Variants in RHPN2 observed in about 807,000 individuals in gnomAD.
RHPN2 encodes the protein rhophilin Rho GTPase binding protein 2, also known as rhophilin-2.
In RHPN2, 40 loss-of-function variants were observed where a neutral mutation model predicts 79.0. The observed-to-expected ratio is 0.51, with a 90% CI of 0.39 to 0.66. The LOEUF is 0.66. RHPN2 is among the 30% of genes least tolerant of loss of function. The pLI is 0.00. For missense variants in RHPN2, 686 were observed against 883.5 expected, an observed-to-expected ratio of 0.78 and a Z score of 2.83; for synonymous variants, 285 against 363.5, an observed-to-expected ratio of 0.78 and a Z score of 2.46.
chr19:32,992,750 G>T (rs1218326289), intron 12 of RHPN2, among the ~76,000 whole-genome samples: 2 of 150,308 alleles, frequency 1.3e-5, no homozygotes, highest in East Asian at 2.0e-4. Context: ...GTTCGAGGCT[G>T]CAGTGAACTA....
At chr19:33,026,759 C>G in intron 2 of RHPN2, 127 bp from the exon 3 acceptor site, 5 of 1,119,078 alleles carry the variant, frequency 4.5e-6, no homozygotes, top group South Asian at 2.5e-5. Flanking sequence ...CCAGGAGTGT[C>G]GGTTAAGGTA....
chr19:33,007,804 C>T (rs549680154), intron 7 of RHPN2, among the ~76,000 whole-genome samples: 100 of 149,812 alleles, frequency 6.7e-4, no homozygotes, highest in Admixed American at 2.8e-3. Flanking sequence ...ACCTTGTGAT[C>T]CACCCGCTTT....
Position 33,012,604 on chromosome 19 carries a change from C to T in RHPN2, c.468+43G>A, listed in dbSNP as rs759685781. 1.5e-5 allele frequency: 19 copies of T among 1,287,090 alleles called. No individual in the cohort carries two copies. In the East Asian group the frequency reaches 2.8e-4, roughly 19 times the overall value. 79.7% of individuals were successfully genotyped at this position (1,287,090 alleles called of 1,614,324 possible). A position where few individuals can be genotyped will look rare whatever the true frequency, so the allele number is the denominator to read the frequency against. The stretch of plus-strand genomic sequence containing the variant: ...GCAATAATGGGGTTCCCTGAAGACT[C>T]GGAAAAGCCACCCTCCCCTCTCTGC... On this transcript the variant is annotated intron_variant, in intron 5 of 14. Coordinates refer to ENST00000254260, the MANE Select transcript of RHPN2 (RefSeq NM_033103.5).
chr19:33,016,825 G>A (rs1971882028), intron 4 of RHPN2, among the ~76,000 whole-genome samples: 1 of 152,186 alleles, frequency 6.6e-6, no homozygotes, highest in Non-Finnish European at 1.5e-5. Context: ...CAGTACCTGT[G>A]TTTCTATCAA....
At chr19:33,064,640 G>T in intron 1 of RHPN2, 144 bp downstream of exon 1, 1 of 651,086 alleles carries the variant, frequency 1.5e-6, no homozygotes, top group Non-Finnish European at 2.3e-6. Flanking sequence ...GCCAGCCTCC[G>T]TCCGGCCAGC....
intron 14 of RHPN2, among the ~76,000 whole-genome samples, chr19:32,981,256 G>C (rs1449545828): frequency 6.6e-6 from 1 of 151,836 alleles, no homozygotes; most frequent in African/African-American, 2.4e-5. Context: ...GAAAGTACAG[G>C]GTGGGGCGCG....
intron 11 of RHPN2, 130 bp downstream of exon 11, chr19:32,995,896 C>T (rs1227137884): frequency 1.7e-5 from 15 of 880,976 alleles, no homozygotes; most frequent in South Asian, 2.8e-5. Flanking sequence ...AGCAGCACCT[C>T]AGTCCCTACC....
rs772584362 is a variant in RHPN2 at position 32,999,573 on chromosome 19, G to A, written c.1225+13C>T. ...CAAGTGGGGCCCACATCTGGGTGCA[G>A]GGGGACACGCACCCAGCTGTCGGCG... is the stretch of plus-strand genomic sequence containing the variant. On this transcript the variant is annotated intron_variant, in intron 10 of 14. Coordinates refer to ENST00000254260, the MANE Select transcript of RHPN2 (RefSeq NM_033103.5). 3 of 1,608,224 alleles carry A rather than the reference G, an allele frequency of 1.9e-6. No homozygotes were observed. The highest frequency in any genetic ancestry group is 1.7e-5 in the Admixed American group (1 of 59,832).
intron 4 of RHPN2, among the ~76,000 whole-genome samples, chr19:33,013,542 G>GT (rs1293891992): frequency 4.5e-4 from 69 of 151,772 alleles, no homozygotes; most frequent in Non-Finnish European, 2.8e-4. Context: ...GAGAGTTGAA[G>GT]TAAATTTTTT....
chr19:33,036,697 C>T (rs1972058937), intron 2 of RHPN2, among the ~76,000 whole-genome samples: 1 of 152,202 alleles, frequency 6.6e-6, no homozygotes, highest in Non-Finnish European at 1.5e-5. Flanking sequence ...GCGCGAGTTC[C>T]AGGTGGGCGT....
In RHPN2 at chr19:33,026,611, C is replaced by T. The variant is rs1971969969; in HGVS notation, c.207G>A (p.Val69=). 2 of 1,608,144 alleles carry T rather than the reference C, an allele frequency of 1.2e-6. No homozygotes were observed. Among genetic ancestry groups the T allele is most frequent in the Non-Finnish European group, 1.7e-6 (2 of 1,179,460 alleles). The change falls in exon 3 of 15, where the codon GTG becomes GTA. Residue 69 remains valine (V), a synonymous_variant. Coordinates refer to ENST00000254260, the MANE Select transcript of RHPN2 (RefSeq NM_033103.5). ...TCAGCTCCAGCCGCACTTGCTCCCG[C>T]ACCTTTGAGTTTGTGGCCACTCTGT... The part of the protein sequence containing the change: ...NLLKVATNSK[V]REQVRLELSF...
intron 2 of RHPN2, among the ~76,000 whole-genome samples, chr19:33,041,666 GCT>G (rs1363063083): frequency 6.6e-6 from 1 of 152,156 alleles, no homozygotes; most frequent in Non-Finnish European, 1.5e-5. Flanking sequence ...CAAGTTCCCT[GCT>G]CACAGGGGCC....
At chr19:33,017,578 G>A (rs79711090) in intron 4 of RHPN2, among the ~76,000 whole-genome samples, 5 of 151,666 alleles carry the variant, frequency 3.3e-5, no homozygotes, top group South Asian at 2.1e-4. Flanking sequence ...ATAGAGATGC[G>A]GCTGGGTGTG....
At chr19:33,058,456 T>C (rs1972252288) in intron 1 of RHPN2, among the ~76,000 whole-genome samples, 1 of 152,062 alleles carries the variant, frequency 6.6e-6, no homozygotes, top group Non-Finnish European at 1.5e-5. Context: ...CTGACTTCAG[T>C]GGAAATTCAT....
intron 1 of RHPN2, among the ~76,000 whole-genome samples, chr19:33,051,990 C>CAAAAAAA (rs1231161092): frequency 1.2e-5 from 1 of 81,054 alleles, no homozygotes; most frequent in East Asian, 3.9e-4. Flanking sequence ...GACCCTGTCT[C>CAAAAAAA]AAAAAAAAAA....
chr19:33,034,625 A>G (rs1438419311), intron 2 of RHPN2, among the ~76,000 whole-genome samples: 5 of 140,056 alleles, frequency 3.6e-5, no homozygotes, highest in Admixed American at 7.1e-5. Context: ...AAAAAAAAAT[A>G]CAAAAGTTAG....
chr19:33,052,866 G>A (rs887662027), intron 1 of RHPN2, among the ~76,000 whole-genome samples: 1 of 152,134 alleles, frequency 6.6e-6, no homozygotes, highest in Non-Finnish European at 1.5e-5. Context: ...CTCGATATGA[G>A]TCAACACAGC....
chr19:33,019,677 TCACCTGAGCCCAGGAGG>T (rs1249359458), intron 4 of RHPN2, among the ~76,000 whole-genome samples: 3 of 151,292 alleles, frequency 2.0e-5, no homozygotes, highest in Non-Finnish European at 4.4e-5. Flanking sequence ...AGTGGGAGGA[TCACCTGAGCCCAGGAGG>T]CAGGGGTTGC....
At chr19:33,059,708 CT>C (rs1480279726) in intron 1 of RHPN2, among the ~76,000 whole-genome samples, 1 of 152,142 alleles carries the variant, frequency 6.6e-6, no homozygotes, top group Non-Finnish European at 1.5e-5. Context: ...CCTTCTCCCC[CT>C]GTACCCTGTC....
Sources: allele counts gnomAD v4.1 joint callset (sites outside exome capture counted in the v4.1 genomes callset), GRCh38; gene constraint gnomAD v4.1.1; transcripts MANE v1.5; gene names NCBI Gene and HGNC (gene_info 2026-07-23, HGNC 2026-07-21).